SCAPER: variants seen among roughly 807,000 people sequenced by gnomAD.
SCAPER encodes the protein S phase cyclin A-associated protein in the endoplasmic reticulum.
A neutral mutation model predicts 182.2 loss-of-function variants in SCAPER; 98 were observed. The ratio of observed to expected loss-of-function variants is 0.54; its 90% CI spans 0.46 to 0.64. SCAPER has a LOEUF of 0.64. Ranked by LOEUF, SCAPER falls within the 30% of genes least tolerant of loss-of-function variation. The pLI is 0.00. For synonymous variants in SCAPER, 605 were observed against 564.6 expected (o/e 1.07, Z -1.01); for missense variants, 1,432 against 1,690.0 (o/e 0.85, Z 2.68).
chr15:76,774,856 T>C lies in SCAPER; in HGVS notation c.1034A>G (p.Gln345Arg), dbSNP rs1203408404. The change falls in exon 9 of 32, where the codon CAG becomes CGG. Residue 345 changes from glutamine (Q) to arginine (R), a missense_variant and splice_region_variant. Gln to Arg is a conservative substitution (Grantham distance 43). Around this residue, in one of 5 missense-constraint regions of SCAPER, gnomAD observed 480 missense variants for 510.2 expected, o/e 0.94. Coordinates refer to ENST00000563290, the MANE Select transcript of SCAPER (RefSeq NM_020843.4). Reference protein sequence around the residue: ...SCDHPLAEKTQFTVSTLDDVK... With the variant: ...SCDHPLAEKTRFTVSTLDDVK... ...AAAAGGATTTTCAGAATGTACTACC[T>C]GGGTTTTTTCGGCAAGAGGATGGTC... The C allele has an allele frequency of 1.2e-6, 2 of 1,609,644 alleles. No individual in the cohort carries two copies. Among genetic ancestry groups the C allele is most frequent in the Non-Finnish European group, 1.7e-6 (2 of 1,177,880 alleles).
intron 21 of SCAPER, among the ~76,000 whole-genome samples, chr15:76,659,716 T>C (rs754633165): frequency 5.9e-5 from 9 of 152,084 alleles, no homozygotes; most frequent in Non-Finnish European, 1.2e-4. Flanking sequence ...ATTTAAAAAG[T>C]CAAAAAATAA....
chr15:76,639,243 G>A (rs1454645932), intron 21 of SCAPER, among the ~76,000 whole-genome samples: 1 of 152,048 alleles, frequency 6.6e-6, no homozygotes, highest in African/African-American at 2.4e-5. Flanking sequence ...TTCTCACTAC[G>A]CCATTGTTGA....
intron 23 of SCAPER, among the ~76,000 whole-genome samples, chr15:76,540,120 T>C (rs1371126770): frequency 3.3e-5 from 5 of 152,194 alleles, no homozygotes; most frequent in African/African-American, 1.2e-4. Flanking sequence ...GTTTAATTTT[T>C]AAAAAACCAT....
At chr15:76,496,364 T>G (rs1225120247) in intron 24 of SCAPER, among the ~76,000 whole-genome samples, 3 of 152,204 alleles carry the variant, frequency 2.0e-5, no homozygotes. Flanking sequence ...GTGCTCATTA[T>G]AAAGTTAATG....
At chr15:76,549,068 G>C (rs1376502950) in intron 23 of SCAPER, among the ~76,000 whole-genome samples, 1 of 152,072 alleles carries the variant, frequency 6.6e-6, no homozygotes, top group Non-Finnish European at 1.5e-5. Context: ...CTAATATCCA[G>C]AATCTACAAA....
At chr15:76,806,733 G>A (rs1036466250) in intron 5 of SCAPER, among the ~76,000 whole-genome samples, 7 of 151,980 alleles carry the variant, frequency 4.6e-5, no homozygotes, top group East Asian at 3.9e-4. Context: ...ATGATTTTTC[G>A]TAGTTTCTTT....
At chr15:76,643,479 C>A (rs1374363420) in intron 21 of SCAPER, among the ~76,000 whole-genome samples, 1 of 151,764 alleles carries the variant, frequency 6.6e-6, no homozygotes, top group Non-Finnish European at 1.5e-5. Flanking sequence ...GTCAGGAGTT[C>A]AAGACCAGCC....
chr15:76,567,345 T>C (rs1328864497), intron 23 of SCAPER: 1 of 454,864 alleles, frequency 2.2e-6, no homozygotes, highest in South Asian at 1.6e-5. Context: ...AATGCTGCCA[T>C]TGAACATTTG....
At position 76,587,113 on chromosome 15, in the gene SCAPER, C is replaced by A. The variant is rs143587037; in HGVS notation, c.2712-12829G>T. Among the ~76,000 whole-genome samples the A allele has an allele frequency of 3.9e-4, 59 of 152,160 alleles. No homozygotes were observed. In the East Asian group the frequency reaches 9.4e-3, roughly 24 times the overall value. The stretch of plus-strand genomic sequence containing the variant: ...TGAACGTAAAGGTGTTCATAGTACC[C>A]TTGAATGATCTTTTGTATTTCTGTG... On this transcript the variant is annotated intron_variant, in intron 22 of 31. Coordinates refer to ENST00000563290, the MANE Select transcript of SCAPER (RefSeq NM_020843.4).
intron 26 of SCAPER, among the ~76,000 whole-genome samples, chr15:76,421,763 T>C (rs557927827): frequency 0.025 from 3,739 of 152,328 alleles, 155 homozygotes; most frequent in African/African-American, 0.087. Flanking sequence ...AGGTCTAACA[T>C]GTAAGTCTTT....
intron 26 of SCAPER, among the ~76,000 whole-genome samples, chr15:76,415,893 A>G (rs1051672365): frequency 6.6e-6 from 1 of 152,176 alleles, no homozygotes; most frequent in Non-Finnish European, 1.5e-5. Context: ...TCAGTTAACA[A>G]TTGTTGGTAC....
rs200914871 is a variant in SCAPER, at chr15:76,615,492, G to GACAC, written c.2711+6268_2711+6271dup. ...GTATATATACATACACACACACACA[G>GACAC]ACACACACACACACACACACACACA... On this transcript the variant is annotated intron_variant, in intron 22 of 31. Coordinates refer to ENST00000563290, the MANE Select transcript of SCAPER (RefSeq NM_020843.4). Among the ~76,000 whole-genome samples, 992 of 140,740 alleles carry GACAC rather than the reference G, an allele frequency of 7.0e-3. 15 individuals are homozygous for GACAC. Among genetic ancestry groups the GACAC allele is most frequent in the African/African-American group, 0.021 (780 of 37,348 alleles). The allele number at this position is 140,740 out of a possible 152,430, so 92.3% of individuals were successfully genotyped here. A position where few individuals can be genotyped will look rare whatever the true frequency, so the allele number is the denominator to read the frequency against.
chr15:76,553,322 C>T (rs958644853), intron 23 of SCAPER, among the ~76,000 whole-genome samples: 3 of 152,226 alleles, frequency 2.0e-5, no homozygotes, highest in African/African-American at 7.2e-5. Context: ...CACCGGTGCC[C>T]CTGCCCCTGC....
intron 25 of SCAPER, among the ~76,000 whole-genome samples, chr15:76,460,057 G>C (rs2049040284): frequency 6.6e-6 from 1 of 152,100 alleles, no homozygotes; most frequent in African/African-American, 2.4e-5. Flanking sequence ...ACATCATGCT[G>C]TTTTGGTTAC....
intron 22 of SCAPER, among the ~76,000 whole-genome samples, chr15:76,584,434 A>G (rs1176901447): frequency 6.7e-6 from 1 of 150,256 alleles, no homozygotes; most frequent in Non-Finnish European, 1.5e-5. Flanking sequence ...ACATTAAGAG[A>G]GGATAAATGC....
At chr15:76,699,482 C>T (rs1437000237) in intron 20 of SCAPER, among the ~76,000 whole-genome samples, 1 of 152,120 alleles carries the variant, frequency 6.6e-6, no homozygotes, top group Non-Finnish European at 1.5e-5. Context: ...AAGGATGTTC[C>T]TTTCATCTTC....
intron 22 of SCAPER, among the ~76,000 whole-genome samples, chr15:76,618,948 G>A (rs533830838): frequency 3.3e-5 from 5 of 152,280 alleles, no homozygotes; most frequent in East Asian, 1.9e-4. Context: ...GGGTTCGAGC[G>A]ATTCTCCTGC....
intron 24 of SCAPER, among the ~76,000 whole-genome samples, chr15:76,476,256 G>A (rs1479640917): frequency 6.6e-6 from 1 of 152,176 alleles, no homozygotes; most frequent in African/African-American, 2.4e-5. Context: ...TTTCTTGGGT[G>A]TAAGAGATAG....
intron 27 of SCAPER, among the ~76,000 whole-genome samples, chr15:76,383,194 G>A (rs1259462185): frequency 6.6e-6 from 1 of 151,978 alleles, no homozygotes; most frequent in African/African-American, 2.4e-5. Flanking sequence ...TGGAACCCAG[G>A]ATGGGAGACA....
Sources: allele counts gnomAD v4.1 joint callset (sites outside exome capture counted in the v4.1 genomes callset), GRCh38; gene constraint gnomAD v4.1.1; regional missense constraint gnomAD v4.1.1; transcripts MANE v1.5; gene names NCBI Gene and HGNC (gene_info 2026-07-23, HGNC 2026-07-21).